The following ACLY variants were observed in gnomAD, a reference collection of about 807,000 sequenced individuals.
ACLY encodes the protein ATP-citrate synthase.
ACLY carries 41 observed loss-of-function variants against 133.0 expected under a neutral mutation model. The ratio of observed to expected loss-of-function variants is 0.31; its 90% confidence interval spans 0.24 to 0.40. The LOEUF is 0.40. Ranked by LOEUF, ACLY falls within the 10% of genes least tolerant of loss-of-function variation. ACLY has a pLI of 1.00. For synonymous variants in ACLY, 495 were observed against 549.3 expected (o/e 0.90, Z 1.38); for missense variants, 1,046 against 1,453.8 (o/e 0.72, Z 4.56).
chr17:41,904,450 T>G, intron 10 of ACLY: 1 of 467,656 alleles, frequency 2.1e-6, no homozygotes, highest in Non-Finnish European at 3.9e-6. Flanking sequence ...AAAGCATTGG[T>G]CCTGAGAAGG....
chr17:41,880,343 A>C (rs2048881147), intron 20 of ACLY, among the ~76,000 whole-genome samples: 1 of 152,210 alleles, frequency 6.6e-6, no homozygotes, highest in Non-Finnish European at 1.5e-5. Flanking sequence ...CAGAACAAAA[A>C]GGTGAAAAGG....
Position 41,906,630 on chromosome 17 carries a change from T to C in ACLY, c.764A>G (p.Asp255Gly). 6.2e-7 allele frequency: 1 copy of C among 1,614,142 alleles called. No homozygotes were observed. The highest frequency in any genetic ancestry group is 8.5e-7 in the Non-Finnish European group (1 of 1,180,020). ...EAYPEEAYIA[D>G]LDAKSGASLK... ...GCTTGCCCCACTTTTGGCATCGAGG[T>C]CTGCAATGTAGGCTTCCTGGGGACC... Residue 255 changes from aspartate (D) to glycine (G), a missense_variant, in exon 8 of 29, where the codon GAC (aspartate) becomes GGC (glycine). By Grantham distance (94) the Asp-to-Gly change is moderately conservative. Around this residue, in one of 4 missense-constraint regions of ACLY, gnomAD observed 575 missense variants for 804.2 expected, o/e 0.71. Transcript: ENST00000352035.
intron 6 of ACLY, among the ~76,000 whole-genome samples, 174 bp downstream of exon 6, chr17:41,908,815 T>TAGA: frequency 6.6e-6 from 1 of 152,152 alleles, no homozygotes; most frequent in Admixed American, 6.5e-5. Flanking sequence ...TACAGTCTTC[T>TAGA]GAGAGCTCAG....
chr17:41,884,112 C>A, intron 19 of ACLY, 81 bp downstream of exon 19: 1 of 873,392 alleles, frequency 1.1e-6, no homozygotes, highest in South Asian at 1.4e-5. Flanking sequence ...TTACATGTAA[C>A]CAAAATGTTT....
In ACLY at chr17:41,893,191, C is replaced by T; in HGVS notation, c.1460-17G>A. On this transcript the variant is annotated splice_polypyrimidine_tract_variant and intron_variant, in intron 14 of 28. Transcript: ENST00000352035. The stretch of plus-strand genomic sequence containing the variant: ...TGCTCTTTCCTGGTGGGCAAAGACA[C>T]AGAGAGTGCACCCAGAACACATACC... 1.9e-6 allele frequency: 3 copies of T among 1,608,286 alleles called. No individual in the cohort carries two copies. The highest frequency in any genetic ancestry group is 2.5e-6 in the Non-Finnish European group (3 of 1,176,542).
intron 20 of ACLY, among the ~76,000 whole-genome samples, chr17:41,881,612 A>G (rs2048919836): frequency 6.6e-6 from 1 of 152,102 alleles, no homozygotes; most frequent in Admixed American, 6.6e-5. Flanking sequence ...AGTTACCAAG[A>G]GGCTAAATGA....
In ACLY at chr17:41,905,549, G is replaced by A. The variant is rs1555632488; in HGVS notation, c.976C>T (p.Leu326Phe). 2.5e-6 allele frequency: 4 copies of A among 1,614,216 alleles called. 1 individual carries two copies. The Middle Eastern group carries it at 4.9e-4, about 200-fold the overall frequency. ...TYDYAKTILS[L>F]MTREKHPDGK... ...TCTGGGTGCTTCTCTCGGGTCATGA[G>A]GGAGAGGATAGTCTTGGCATAGTCA... Residue 326 changes from leucine (L) to phenylalanine (F), a missense_variant, in exon 9 of 29, where the codon CTC becomes TTC. Leu to Phe is a conservative substitution (Grantham distance 22). Transcript: ENST00000352035.
At chr17:41,912,632 ACTTCCCATTCACT>A in intron 2 of ACLY, 90 bp from the exon 3 acceptor site, 1 of 1,511,624 alleles carries the variant, frequency 6.6e-7, no homozygotes, top group Admixed American at 1.8e-5. Context: ...GCAGGGATTG[ACTTCCCATTCACT>A]CTGCTCCAAA....
chr17:41,879,930 A>G (rs1440882938), intron 20 of ACLY, among the ~76,000 whole-genome samples: 1 of 151,964 alleles, frequency 6.6e-6, no homozygotes, highest in African/African-American at 2.4e-5. Flanking sequence ...GGGTTTCGCC[A>G]TGTGGTCCAG....
intron 16 of ACLY, among the ~76,000 whole-genome samples, chr17:41,888,868 C>T (rs1308548486): frequency 1.3e-5 from 2 of 152,118 alleles, no homozygotes; most frequent in African/African-American, 4.8e-5. Context: ...TCTATAATCC[C>T]AGCAATCTGC....
chr17:41,915,392 C>T (rs189165526), intron 1 of ACLY, among the ~76,000 whole-genome samples: 13 of 152,290 alleles, frequency 8.5e-5, no homozygotes, highest in Admixed American at 7.2e-4. Flanking sequence ...GTGAAGGAGC[C>T]GGCTTGTTTA....
chr17:41,915,118 C>T (rs2050017489), intron 1 of ACLY, among the ~76,000 whole-genome samples: 1 of 152,186 alleles, frequency 6.6e-6, no homozygotes, highest in South Asian at 2.1e-4. Flanking sequence ...GAGCCAGGCC[C>T]ATGTGTCCTT....
chr17:41,884,170 T>C (rs782340522), intron 19 of ACLY, 23 bp downstream of exon 19: 2 of 1,009,584 alleles, frequency 2.0e-6, no homozygotes, highest in Non-Finnish European at 2.9e-6. Flanking sequence ...AAAATCATAA[T>C]TTTTTTTTTT....
intron 14 of ACLY, among the ~76,000 whole-genome samples, chr17:41,893,894 G>C (rs1476608575): frequency 6.6e-6 from 1 of 152,130 alleles, no homozygotes; most frequent in African/African-American, 2.4e-5. Flanking sequence ...AGTGCTCTTG[G>C]ACAGACCCTC....
chr17:41,886,510 C>T (rs1344564697), intron 17 of ACLY, among the ~76,000 whole-genome samples: 2 of 152,174 alleles, frequency 1.3e-5, no homozygotes, highest in African/African-American at 4.8e-5. Context: ...CAAAAGAGAG[C>T]CTTATTTGTA....
chr17:41,924,816 A>G (rs1023520656), intron 1 of ACLY, among the ~76,000 whole-genome samples: 8 of 152,068 alleles, frequency 5.3e-5, no homozygotes, highest in African/African-American at 1.9e-4. Flanking sequence ...TTCTCCATGC[A>G]GCCCAACCAG....
Position 41,883,222 on chromosome 17 carries a change from G to C in ACLY, c.2165C>G (p.Thr722Ser). The stretch of plus-strand genomic sequence containing the variant: ...GCCCCGGCAAATCTTATATTCCTCA[G>C]TGCCCCCAATCTGCCAAGGAATGGG... ...MIVVLGEIGG[T>S]EEYKICRGIK... The change falls in exon 20 of 29, where the codon ACT becomes AGT. Residue 722 changes from threonine (T) to serine (S), a missense_variant. Thr to Ser is a moderately conservative substitution (Grantham distance 58). Around this residue, in one of 4 missense-constraint regions of ACLY, gnomAD observed 575 missense variants for 804.2 expected, o/e 0.71. Transcript: ENST00000352035. 1.2e-6 allele frequency: 2 copies of C among 1,613,742 alleles called. No individual in the cohort carries two copies. The highest frequency in any genetic ancestry group is 1.7e-6 in the Non-Finnish European group (2 of 1,179,982).
At chr17:41,887,156 A>AAAAAAAAAAAC (rs2049073418) in intron 17 of ACLY, among the ~76,000 whole-genome samples, 1 of 124,248 alleles carries the variant, frequency 8.0e-6, no homozygotes, top group Non-Finnish European at 1.7e-5. Context: ...AAAAAAAAAA[A>AAAAAAAAAAAC]GGCCAAACAC....
intron 3 of ACLY, 140 bp downstream of exon 3, chr17:41,912,280 G>C: frequency 9.0e-7 from 1 of 1,108,624 alleles, no homozygotes; most frequent in East Asian, 2.5e-5. Context: ...CACCTGAGTG[G>C]GTCAGCGCCA....
Sources: gnomAD v4.1 joint callset for allele counts (sites outside exome capture counted in the v4.1 genomes callset) on GRCh38, gnomAD v4.1.1 for gene constraint, gnomAD v4.1.1 regional missense constraint, MANE v1.5 for transcripts, NCBI Gene and HGNC (gene_info 2026-07-23, HGNC 2026-07-21) for gene names.